The following ANKRD30BL variants were observed in gnomAD, a reference collection of about 807,000 sequenced individuals.
ANKRD30BL encodes the protein putative ankyrin repeat domain-containing protein 30B-like.
A neutral mutation model predicts 18.4 loss-of-function variants in ANKRD30BL; 20 were observed. The observed-to-expected ratio is 1.09, with a 90% CI of 0.77 to 1.58. ANKRD30BL has a LOEUF of 1.58. Among genes scored for constraint, ANKRD30BL ranks in the 40% most tolerant of loss-of-function variants. ANKRD30BL has a pLI of 0.00. For missense variants in ANKRD30BL, 224 were observed against 268.6 expected, an observed-to-expected ratio of 0.83 and a Z score of 1.16; for synonymous variants, 72 against 100.9, an observed-to-expected ratio of 0.71 and a Z score of 1.72.
chr2:132,205,906 A>C (rs1285166836), intron 1 of ANKRD30BL, among the ~76,000 whole-genome samples: 1 of 152,130 alleles, frequency 6.6e-6, no homozygotes, highest in Non-Finnish European at 1.5e-5. Context: ...CATGCCTGTA[A>C]TCCCAGCACT....
intron 1 of ANKRD30BL, among the ~76,000 whole-genome samples, chr2:132,189,391 T>A (rs1678799602): frequency 6.6e-6 from 1 of 152,126 alleles, no homozygotes; most frequent in East Asian, 1.9e-4. Context: ...ATTCACTTTT[T>A]AAAATATCTC....
At chr2:132,158,312 A>T (rs970650375) in intron 1 of ANKRD30BL, among the ~76,000 whole-genome samples, 5 of 152,154 alleles carry the variant, frequency 3.3e-5, no homozygotes, top group African/African-American at 1.2e-4. Flanking sequence ...GGCTTATTTT[A>T]TTCCATGTTT....
Position 132,257,039 on chromosome 2 carries a change from A to G in ANKRD30BL, n.441+490T>C, listed in dbSNP as rs74853538. 10 of 514,934 alleles carry G rather than the reference A, an allele frequency of 1.9e-5. No homozygotes were observed. The Admixed American group carries it at 2.0e-4, about 10-fold the overall frequency. The allele number at this position is 514,934 out of a possible 1,614,324, so 31.9% of individuals were successfully genotyped here. On this transcript the variant is annotated intron_variant and non_coding_transcript_variant, in intron 1 of 4. Transcript: ENST00000470729. Reference sequence around the variant, plus strand: ...CCACCGCCACAGACAGGAGGGAGGTACCGCAGCGACCCGCCTAGGATGCCG... The same window carrying G: ...CCACCGCCACAGACAGGAGGGAGGTGCCGCAGCGACCCGCCTAGGATGCCG...
intron 1 of ANKRD30BL, among the ~76,000 whole-genome samples, chr2:132,213,880 A>G (rs199620674): frequency 1.3e-5 from 2 of 152,152 alleles, no homozygotes; most frequent in African/African-American, 2.4e-5. Flanking sequence ...TTCATCTCAC[A>G]TAGTTGAACA....
chr2:132,151,623 A>AT, intron 4 of ANKRD30BL, among the ~76,000 whole-genome samples: 1 of 151,778 alleles, frequency 6.6e-6, no homozygotes, highest in Non-Finnish European at 1.5e-5. Flanking sequence ...TACAAAAAAA[A>AT]AACAAAAAAA....
Position 132,247,129 on chromosome 2 carries a change from A to G in ANKRD30BL, n.441+10400T>C, listed in dbSNP as rs574843848. Among the ~76,000 whole-genome samples the G allele has an allele frequency of 6.9e-3, 1,045 of 150,486 alleles. 8 individuals carry two copies. The highest frequency in any genetic ancestry group is 0.024 in the African/African-American group (1,000 of 40,930). ...GGACATTTGGAGCTCTTTGAGGCCT[A>G]TGGTGAAAAAGGAAATATTTTCACA... On this transcript the variant is annotated intron_variant and non_coding_transcript_variant, in intron 1 of 4. Transcript: ENST00000470729.
chr2:132,233,178 G>A (rs1437099129), intron 1 of ANKRD30BL, among the ~76,000 whole-genome samples: 6 of 151,520 alleles, frequency 4.0e-5, no homozygotes, highest in East Asian at 1.9e-4. Context: ...AAGAGCTCCT[G>A]AAGGAAGCAC....
chr2:132,195,095 A>G (rs1378951203), intron 1 of ANKRD30BL, among the ~76,000 whole-genome samples: 1 of 152,128 alleles, frequency 6.6e-6, no homozygotes, highest in Admixed American at 6.5e-5. Context: ...TATAAATAGG[A>G]AAAAGTGAAA....
rs375177508 is a variant in ANKRD30BL, at chr2:132,161,795, C to T, written c.-90G>A. 547 of 677,314 alleles carry T rather than the reference C, an allele frequency of 8.1e-4. 1 individual carries two copies. In the African/African-American group the frequency reaches 9.3e-3, roughly 12 times the overall value. The allele number at this position is 677,314 out of a possible 1,614,324, so 42.0% of individuals were successfully genotyped here. A position where few individuals can be genotyped will look rare whatever the true frequency, so the allele number is the denominator to read the frequency against. On this transcript the variant is annotated 5_prime_UTR_variant, in exon 1 of 6. Coordinates refer to ENST00000409867, the MANE Select transcript of ANKRD30BL (RefSeq NM_001358416.1). ...GCTCGCCCTCGCCCTTCTTCAGTCCCTGCATCCGCCCTGACAAGACTAGAA... is the reference window on the plus strand; with the variant it reads ...GCTCGCCCTCGCCCTTCTTCAGTCCTTGCATCCGCCCTGACAAGACTAGAA...
chr2:132,183,005 A>G (rs1688499065), intron 1 of ANKRD30BL, among the ~76,000 whole-genome samples: 1 of 152,170 alleles, frequency 6.6e-6, no homozygotes, highest in Non-Finnish European at 1.5e-5. Context: ...AAAATAAAAA[A>G]TAACGATGTT....
chr2:132,220,338 C>CTCTCTG (rs1679640471), intron 1 of ANKRD30BL, among the ~76,000 whole-genome samples: 3 of 97,886 alleles, frequency 3.1e-5, no homozygotes, highest in Admixed American at 1.3e-4. Context: ...CCCTCTCCCT[C>CTCTCTG]TCCCTCTCCC....
chr2:132,226,732 C>A (rs1229822230), intron 1 of ANKRD30BL, among the ~76,000 whole-genome samples: 3 of 151,564 alleles, frequency 2.0e-5, no homozygotes, highest in African/African-American at 7.3e-5. Flanking sequence ...TGAGAAACTT[C>A]TTTGTGATGT....
intron 1 of ANKRD30BL, among the ~76,000 whole-genome samples, chr2:132,175,395 C>T (rs541158391): frequency 1.1e-4 from 16 of 152,316 alleles, no homozygotes; most frequent in East Asian, 5.8e-4. Context: ...GAGTAAAGAA[C>T]AATAAAGCAG....
In ANKRD30BL at chr2:132,201,721, G is replaced by C. The variant is rs1432831914; in HGVS notation, n.442-44575C>G. ...ACTGTAAACTAGTTCAACCACTGTG[G>C]AAGTCAGTGTGGTGATTCCTCAGAG... On this transcript the variant is annotated intron_variant and non_coding_transcript_variant, in intron 1 of 4. Transcript: ENST00000470729. Among the ~76,000 whole-genome samples, 3 of 152,182 alleles carry C rather than the reference G, an allele frequency of 2.0e-5. No homozygotes were observed. In the East Asian group the frequency reaches 5.8e-4, roughly 29 times the overall value.
intron 1 of ANKRD30BL, among the ~76,000 whole-genome samples, chr2:132,225,755 G>T (rs550128664): frequency 6.6e-6 from 1 of 151,800 alleles, no homozygotes; most frequent in African/African-American, 2.4e-5. Context: ...GATAGAGCAG[G>T]TTTCAAACAC....
Position 132,257,328 on chromosome 2 carries a change from A to G in ANKRD30BL, n.441+201T>C, listed in dbSNP as rs377176389. Among the ~76,000 whole-genome samples the G allele has an allele frequency of 3.3e-5, 5 of 149,820 alleles. No homozygotes were observed. The South Asian group carries it at 6.3e-4, about 19-fold the overall frequency. On this transcript the variant is annotated intron_variant and non_coding_transcript_variant, in intron 1 of 4. Transcript: ENST00000470729. ...AGGGGAGCGGGCAGAGAGCCGGCTC[A>G]CAGCGGAACGGGTCACAAGCCGGAC...
chr2:132,222,220 C>T (rs1679711701), intron 1 of ANKRD30BL, among the ~76,000 whole-genome samples: 1 of 147,452 alleles, frequency 6.8e-6, no homozygotes, highest in Non-Finnish European at 1.5e-5. Context: ...GTGGGGGGGT[C>T]AGCCCCCCGC....
chr2:132,154,487 C>A (rs2104921742), intron 4 of ANKRD30BL, among the ~76,000 whole-genome samples, 175 bp downstream of exon 4: 1 of 152,238 alleles, frequency 6.6e-6, no homozygotes, highest in African/African-American at 2.4e-5. Flanking sequence ...GTATACTGTT[C>A]TTTGTGTTGA....
At chr2:132,179,798 C>T (rs1299587505) in intron 1 of ANKRD30BL, among the ~76,000 whole-genome samples, 1 of 151,774 alleles carries the variant, frequency 6.6e-6, no homozygotes, top group Non-Finnish European at 1.5e-5. Context: ...TGATCCTGAC[C>T]CTGTATAGGC....
Sources: gnomAD v4.1 joint callset for allele counts (sites outside exome capture counted in the v4.1 genomes callset) on GRCh38, gnomAD v4.1.1 for gene constraint, MANE v1.5 for transcripts, NCBI Gene and HGNC (gene_info 2026-07-23, HGNC 2026-07-21) for gene names.